TG: variants seen among roughly 807,000 people sequenced by gnomAD.
TG encodes the protein thyroglobulin, also known as thyroid hormones.
In TG, 270 loss-of-function variants were observed where a neutral mutation model predicts 324.7. That is an observed-to-expected ratio of 0.83 (90% CI 0.75 to 0.92). The LOEUF is 0.92. Among genes scored for constraint, TG ranks in the 40% least tolerant of loss-of-function variants. The pLI, the probability that TG is intolerant of heterozygous loss-of-function variation, is 0.00. For synonymous variants in TG, 1,401 were observed against 1,327.0 expected, an observed-to-expected ratio of 1.06 and a Z score of -1.21; for missense variants, 3,591 against 3,456.4, an observed-to-expected ratio of 1.04 and a Z score of -0.98.
In TG at chr8:132,904,673, C is replaced by G. The variant is rs1336929959; in HGVS notation, c.3635-2015C>G. ...AGTGTCCTAGGTGATGTTTGTGGCC[C>G]CAGGAGGAAAACCCCTTTCTAGCCG... is the stretch of plus-strand genomic sequence containing the variant. On this transcript the variant is annotated intron_variant, in intron 16 of 47. Coordinates refer to ENST00000220616, the MANE Select transcript of TG (RefSeq NM_003235.5). Among the ~76,000 whole-genome samples, 28 of 152,078 alleles carry G rather than the reference C, an allele frequency of 1.8e-4. 1 individual carries two copies. Among genetic ancestry groups the G allele is most frequent in the Non-Finnish European group, 4.1e-4 (28 of 68,022 alleles).
intron 41 of TG, among the ~76,000 whole-genome samples, chr8:133,067,324 T>C (rs1276677916): frequency 1.3e-5 from 2 of 152,034 alleles, no homozygotes; most frequent in African/African-American, 2.4e-5. Flanking sequence ...TTCTCCTTTC[T>C]CTACACTGCA....
chr8:132,923,305 T>C (rs1821364306), intron 21 of TG, 33 bp from the exon 22 acceptor site: 1 of 1,612,902 alleles, frequency 6.2e-7, no homozygotes, highest in Non-Finnish European at 8.5e-7. Context: ...CAGAGGCCCA[T>C]TATTGACGGC....
Position 132,913,074 on chromosome 8 carries a change from T to G in TG, c.4187T>G (p.Leu1396Arg). The G allele has an allele frequency of 1.2e-6, 2 of 1,614,202 alleles. No homozygotes were observed. The highest frequency in any genetic ancestry group is 1.7e-6 in the Non-Finnish European group (2 of 1,180,040). Reference sequence around the variant, plus strand: ...AGAGCCTTGGTGGGCAAGGATCTCCTTGGGCGCTTCACAGATCTGATCCAG... The same window carrying G: ...AGAGCCTTGGTGGGCAAGGATCTCCGTGGGCGCTTCACAGATCTGATCCAG... Reference protein sequence around the residue: ...IERALVGKDLLGRFTDLIQSG... With the variant: ...IERALVGKDLRGRFTDLIQSG... Residue 1396 changes from leucine (L) to arginine (R), a missense_variant, in exon 20 of 48, where the codon CTT (leucine) becomes CGT (arginine). Transcript: ENST00000220616.
intron 40 of TG, among the ~76,000 whole-genome samples, chr8:133,023,070 A>G (rs1290361690): frequency 6.6e-6 from 1 of 152,160 alleles, no homozygotes; most frequent in Non-Finnish European, 1.5e-5. Flanking sequence ...AAGATCTGAG[A>G]TATCCTACGT....
chr8:133,104,011 C>A (rs1315635551), intron 43 of TG, among the ~76,000 whole-genome samples: 1 of 152,212 alleles, frequency 6.6e-6, no homozygotes, highest in Non-Finnish European at 1.5e-5. Context: ...ACTTTAGGGG[C>A]AGTCAGAGAA....
At chr8:132,964,027 A>G (rs2130391533) in intron 29 of TG, among the ~76,000 whole-genome samples, 1 of 151,916 alleles carries the variant, frequency 6.6e-6, no homozygotes, top group East Asian at 1.9e-4. Flanking sequence ...ACACATGCCT[A>G]AAAAATGCCC....
chr8:132,878,548 T>C (rs1405417299), intron 5 of TG, among the ~76,000 whole-genome samples: 1 of 147,068 alleles, frequency 6.8e-6, no homozygotes, highest in Non-Finnish European at 1.5e-5. Flanking sequence ...CCTGGGAGAA[T>C]CACTTGAGCC....
chr8:132,893,615 C>T (rs2132226339), intron 10 of TG, 75 bp from the exon 11 acceptor site: 2 of 1,603,590 alleles, frequency 1.2e-6, no homozygotes, highest in East Asian at 2.2e-5. Flanking sequence ...TGCGTGAGGG[C>T]ACACATGCTT....
chr8:132,867,128 TG>T (rs1290863496), intron 1 of TG, 61 bp downstream of exon 1: 35 of 1,444,712 alleles, frequency 2.4e-5, no homozygotes, highest in Non-Finnish European at 3.2e-5. Context: ...AGCCAGGCTC[TG>T]CCCTGGGCCT....
chr8:132,871,335 CT>C lies in TG; in HGVS notation c.275-11del. 1 of 1,614,142 alleles carries C rather than the reference CT, an allele frequency of 6.2e-7. No homozygotes were observed. Among genetic ancestry groups the C allele is most frequent in the Non-Finnish European group, 8.5e-7 (1 of 1,179,954 alleles). On this transcript the variant is annotated splice_polypyrimidine_tract_variant and intron_variant, in intron 3 of 47. Transcript: ENST00000220616. ...CCTGCAGTTCTATCTAACATTGCTC[CT>C]TGTACCCACAGGTCTGTCATTTTGT...
At chr8:133,070,321 T>C (rs972679383) in intron 41 of TG, among the ~76,000 whole-genome samples, 1 of 151,900 alleles carries the variant, frequency 6.6e-6, no homozygotes, top group African/African-American at 2.4e-5. Context: ...CTTTATGAAA[T>C]CTTTCTCCCA....
At chr8:132,979,477 A>C (rs1830565111) in intron 34 of TG, among the ~76,000 whole-genome samples, 3 of 152,130 alleles carry the variant, frequency 2.0e-5, no homozygotes, top group Admixed American at 1.3e-4. Flanking sequence ...ACCCACATAG[A>C]AACTTCCATA....
intron 41 of TG, among the ~76,000 whole-genome samples, chr8:133,032,705 C>T (rs964376494): frequency 6.6e-6 from 1 of 152,148 alleles, no homozygotes; most frequent in Non-Finnish European, 1.5e-5. Flanking sequence ...TATGAGTTGG[C>T]AGTTTATTCT....
Position 133,096,376 on chromosome 8 carries a change from A to G in TG, c.7572+3A>G, listed in dbSNP as rs1243788560. On this transcript the variant is annotated splice_donor_region_variant and intron_variant, in intron 43 of 47. Coordinates refer to ENST00000220616, the MANE Select transcript of TG (RefSeq NM_003235.5). Reference sequence around the variant, plus strand: ...TCAACAGAGCAAAGGCTGTGAAGGTAAGCAGGGAGGGGGCCTCGGATGTCT... The same window carrying G: ...TCAACAGAGCAAAGGCTGTGAAGGTGAGCAGGGAGGGGGCCTCGGATGTCT... 6.2e-7 allele frequency: 1 copy of G among 1,614,122 alleles called. No homozygotes were observed. Among genetic ancestry groups the G allele is most frequent in the South Asian group, 1.1e-5 (1 of 91,076 alleles).
chr8:132,930,505 AC>A (rs1361779597), intron 23 of TG, among the ~76,000 whole-genome samples: 4 of 152,050 alleles, frequency 2.6e-5, no homozygotes, highest in African/African-American at 9.7e-5. Context: ...ACATGGTGAA[AC>A]CCCGTCTCTA....
In TG at chr8:133,130,666, C is replaced by T. The variant is rs191085687; in HGVS notation, c.7863-1146C>T. Among the ~76,000 whole-genome samples the T allele has an allele frequency of 5.9e-5, 9 of 152,258 alleles. No individual in the cohort carries two copies. In the East Asian group the frequency reaches 1.2e-3, roughly 20 times the overall value. On this transcript the variant is annotated intron_variant, in intron 45 of 47. Transcript: ENST00000220616. ...TTCTCCCCAGGGCTTTCAGAAGGAA[C>T]GCAGACCACTCACCCTTTGATTTCA... is the stretch of plus-strand genomic sequence containing the variant.
intron 35 of TG, among the ~76,000 whole-genome samples, chr8:132,984,194 A>G (rs1442257250): frequency 6.6e-6 from 1 of 152,232 alleles, no homozygotes; most frequent in East Asian, 1.9e-4. Context: ...CATGATGTCT[A>G]AGGGGCCCTA....
At chr8:133,122,378 T>A (rs1208763527) in intron 45 of TG, among the ~76,000 whole-genome samples, 3 of 152,208 alleles carry the variant, frequency 2.0e-5, no homozygotes, top group African/African-American at 7.2e-5. Context: ...ACCGTCTAGC[T>A]CCTTCATTTT....
At chr8:132,896,263 G>A (rs761114047) in intron 11 of TG, among the ~76,000 whole-genome samples, 17 of 152,222 alleles carry the variant, frequency 1.1e-4, no homozygotes, top group Admixed American at 2.0e-4. Context: ...GAGGCGCAGT[G>A]CCGGGATTCA....
Sources: gnomAD v4.1 joint callset for allele counts (sites outside exome capture counted in the v4.1 genomes callset) on GRCh38, gnomAD v4.1.1 for gene constraint, MANE v1.5 for transcripts, NCBI Gene and HGNC (gene_info 2026-07-23, HGNC 2026-07-21) for gene names.